The following HSD17B4 variants were observed in gnomAD, a reference collection of about 807,000 sequenced individuals.
HSD17B4 encodes the protein peroxisomal multifunctional enzyme type 2.
In HSD17B4, 70 loss-of-function variants were observed where a neutral mutation model predicts 101.0. The observed-to-expected ratio is 0.69, with a 90% CI of 0.57 to 0.85. The LOEUF (loss-of-function observed/expected upper bound fraction) is 0.85. Ranked by LOEUF, HSD17B4 falls within the 40% of genes least tolerant of loss-of-function variation. The pLI, the probability that HSD17B4 is intolerant of heterozygous loss-of-function variation, is 0.00. For missense variants in HSD17B4, 984 were observed against 892.4 expected, an observed-to-expected ratio of 1.10 and a Z score of -1.31; for synonymous variants, 347 against 297.1, an observed-to-expected ratio of 1.17 and a Z score of -1.73.
In HSD17B4 at chr5:119,477,492, A is replaced by C; in HGVS notation, c.425A>C (p.Lys142Thr). 6.2e-7 allele frequency: 1 copy of C among 1,611,406 alleles called. No individual in the cohort carries two copies. The highest frequency in any genetic ancestry group is 8.5e-7 in the Non-Finnish European group (1 of 1,177,634). Reference sequence around the variant, plus strand: ...GCATGGGAACACATGAAGAAACAGAAGTATGGAAGGTAGAGTTGCATGTGG... The same window carrying C: ...GCATGGGAACACATGAAGAAACAGACGTATGGAAGGTAGAGTTGCATGTGG... ...RAAWEHMKKQKYGRIIMTSSA... is the reference protein window; with the variant it reads ...RAAWEHMKKQTYGRIIMTSSA... Residue 142 changes from lysine (K) to threonine (T), a missense_variant, in exon 7 of 24, where the codon AAG (lysine) becomes ACG (threonine). Coordinates refer to ENST00000510025, the MANE Select transcript of HSD17B4 (RefSeq NM_000414.4).
intron 6 of HSD17B4, chr5:119,476,779 C>T (rs1431291321): frequency 1.2e-6 from 1 of 823,784 alleles, no homozygotes; most frequent in Non-Finnish European, 1.5e-6. Flanking sequence ...CTACCCTTCT[C>T]CCTCTCTTTC....
rs10524491 is a variant in HSD17B4, at chr5:119,462,248, ATTTTTTTTTTTT to A, written c.112+5904_112+5915del. Reference sequence around the variant, plus strand: ...TTCATATCCTCCCCCAACAAATGTGATTTTTTTTTTTTTTTTTTTTTTTTTTTTTTTTTTTGC... The same window carrying A: ...TTCATATCCTCCCCCAACAAATGTGATTTTTTTTTTTTTTTTTTTTTTTGC... On this transcript the variant is annotated intron_variant, in intron 2 of 23. Transcript: ENST00000510025. 3.2e-3 allele frequency among the ~76,000 whole-genome samples: 97 copies of A among 30,016 alleles called. No homozygotes were observed. The South Asian group carries it at 0.061, about 19-fold the overall frequency. The allele number at this position is 30,016 out of a possible 152,430, so 19.7% of individuals were successfully genotyped here.
At chr5:119,476,075 A>C (rs965178261) in intron 6 of HSD17B4, among the ~76,000 whole-genome samples, 2 of 152,236 alleles carry the variant, frequency 1.3e-5, no homozygotes, top group African/African-American at 4.8e-5. Flanking sequence ...AAAAATGTTA[A>C]ATCATTTGTT....
intron 2 of HSD17B4, among the ~76,000 whole-genome samples, chr5:119,457,268 C>A (rs78266836): frequency 6.6e-6 from 1 of 152,050 alleles, no homozygotes; most frequent in Non-Finnish European, 1.5e-5. Context: ...AACTGTGGGC[C>A]CACAATGATC....
chr5:119,526,093 T>A, intron 19 of HSD17B4, 70 bp downstream of exon 19: 1 of 898,574 alleles, frequency 1.1e-6, no homozygotes, highest in Non-Finnish European at 1.9e-6. Flanking sequence ...AAAGGGGTTT[T>A]AGTGATTTAA....
chr5:119,508,441 G>T (rs1477379422), intron 15 of HSD17B4, among the ~76,000 whole-genome samples: 2 of 152,100 alleles, frequency 1.3e-5, no homozygotes, highest in Admixed American at 1.3e-4. Flanking sequence ...TTTATAATTA[G>T]ATTTTTCTTT....
At chr5:119,463,562 C>T (rs1755487129) in intron 2 of HSD17B4, among the ~76,000 whole-genome samples, 1 of 136,798 alleles carries the variant, frequency 7.3e-6, no homozygotes, top group Non-Finnish European at 1.5e-5. Flanking sequence ...GCCATTCTAA[C>T]TTGAAATGAT....
At chr5:119,509,101 G>T in intron 15 of HSD17B4, 40 bp from the exon 16 acceptor site, 1 of 1,127,800 alleles carries the variant, frequency 8.9e-7, no homozygotes, top group South Asian at 1.2e-5. Flanking sequence ...ATGCCTTTTG[G>T]TGGTAACTTC....
chr5:119,542,298 G>T lies in HSD17B4; in HGVS notation c.*304G>T. The T allele has an allele frequency of 8.6e-6, 2 of 233,846 alleles. No homozygotes were observed. The highest frequency in any genetic ancestry group is 1.0e-4 in the East Asian group (1 of 9,532). The allele number at this position is 233,846 out of a possible 1,614,324, so 14.5% of individuals were successfully genotyped here. The stretch of plus-strand genomic sequence containing the variant: ...TTGTGATAGCATTGATAAGTTGAAA[G>T]GAAAATTAAATCAATAAAGGCCTTT... On this transcript the variant is annotated 3_prime_UTR_variant, in exon 24 of 24. Coordinates refer to ENST00000510025, the MANE Select transcript of HSD17B4 (RefSeq NM_000414.4).
chr5:119,475,567 G>C (rs1176729885), intron 4 of HSD17B4, 139 bp from the exon 5 acceptor site: 1 of 683,448 alleles, frequency 1.5e-6, no homozygotes, highest in Non-Finnish European at 2.5e-6. Context: ...ATAGACTTTT[G>C]TTTTGAAAGC....
intron 22 of HSD17B4, among the ~76,000 whole-genome samples, chr5:119,531,969 A>G (rs1366633849): frequency 6.6e-6 from 1 of 152,170 alleles, no homozygotes; most frequent in Non-Finnish European, 1.5e-5. Flanking sequence ...CCGCAGAAAG[A>G]AAGCAGTCAT....
chr5:119,531,240 A>C (rs766517754), intron 21 of HSD17B4, 26 bp from the exon 22 acceptor site: 8 of 1,611,460 alleles, frequency 5.0e-6, no homozygotes, highest in Middle Eastern at 3.3e-4. Context: ...CAGAACTTTT[A>C]AAGTTTATTT....
At chr5:119,476,743 C>T (rs1748619992) in intron 6 of HSD17B4, 1 of 981,686 alleles carries the variant, frequency 1.0e-6, no homozygotes, top group African/African-American at 1.7e-5. Flanking sequence ...TTCTCTGATT[C>T]CATCCTACTA....
intron 2 of HSD17B4, among the ~76,000 whole-genome samples, chr5:119,469,551 C>T (rs983776713): frequency 2.0e-5 from 3 of 152,098 alleles, no homozygotes; most frequent in African/African-American, 4.8e-5. Flanking sequence ...AATGTAGTTT[C>T]ATCATGTTGG....
intron 17 of HSD17B4, among the ~76,000 whole-genome samples, chr5:119,523,544 C>T (rs1434784907): frequency 6.6e-6 from 1 of 151,908 alleles, no homozygotes; most frequent in African/African-American, 2.4e-5. Context: ...CATAATGAAC[C>T]TTTTTTGTCT....
intron 12 of HSD17B4, among the ~76,000 whole-genome samples, chr5:119,497,188 AT>A (rs1168167803): frequency 8.0e-6 from 1 of 125,624 alleles, no homozygotes; most frequent in Non-Finnish European, 1.7e-5. Flanking sequence ...TTACTTGCAT[AT>A]AATTTTTGGT....
chr5:119,515,454 A>G (rs1368266335), intron 17 of HSD17B4, among the ~76,000 whole-genome samples: 1 of 152,136 alleles, frequency 6.6e-6, no homozygotes, highest in East Asian at 1.9e-4. Context: ...AAGCAATGCC[A>G]CACTGCTTGG....
chr5:119,473,131 G>A (rs1748158446), intron 2 of HSD17B4, among the ~76,000 whole-genome samples: 2 of 152,076 alleles, frequency 1.3e-5, no homozygotes, highest in African/African-American at 4.8e-5. Flanking sequence ...TTTCAAGTCA[G>A]TTTTTCTTCT....
chr5:119,508,303 A>G (rs960586823), intron 15 of HSD17B4, among the ~76,000 whole-genome samples: 2 of 152,156 alleles, frequency 1.3e-5, no homozygotes, highest in Non-Finnish European at 2.9e-5. Flanking sequence ...ATTTATTGAA[A>G]TACAACTTGG....
Sources: gnomAD v4.1 joint callset for allele counts (sites outside exome capture counted in the v4.1 genomes callset) on GRCh38, gnomAD v4.1.1 for gene constraint, MANE v1.5 for transcripts, NCBI Gene and HGNC (gene_info 2026-07-23, HGNC 2026-07-21) for gene names.